Variants in TMED3 observed in about 807,000 individuals in gnomAD.
TMED3 encodes transmembrane emp24 domain-containing protein 3.
A neutral mutation model predicts 15.0 loss-of-function variants in TMED3; 9 were observed. The ratio of observed to expected loss-of-function variants is 0.60; its 90% CI spans 0.36 to 1.04. The LOEUF is 1.04. Among genes scored for constraint, TMED3 ranks in the 50% least tolerant of loss-of-function variants. The pLI, the probability that TMED3 is intolerant of heterozygous loss-of-function variation, is 0.01. For synonymous variants in TMED3, 117 were observed against 121.4 expected (o/e 0.96, Z 0.24); for missense variants, 267 against 278.9 (o/e 0.96, Z 0.30).
At chr15:79,383,336 G>C in intron 2 of TMED3, 1 of 311,840 alleles carries the variant, frequency 3.2e-6, no homozygotes, top group East Asian at 5.6e-5. Context: ...GAAAAGAAAT[G>C]TATTGAGTAG....
intron 2 of TMED3, among the ~76,000 whole-genome samples, chr15:79,373,437 G>C (rs530591415): frequency 1.3e-5 from 2 of 152,146 alleles, no homozygotes; most frequent in South Asian, 4.2e-4. Flanking sequence ...AATTTCCCTC[G>C]CCTCCCAACA....
intron 2 of TMED3, among the ~76,000 whole-genome samples, chr15:79,358,929 G>C (rs1219362786): frequency 2.0e-5 from 3 of 152,168 alleles, no homozygotes; most frequent in Non-Finnish European, 4.4e-5. Context: ...TCAGTCTGAG[G>C]ATAACTAAGA....
intron 2 of TMED3, among the ~76,000 whole-genome samples, chr15:79,362,086 T>C (rs1009555686): frequency 6.6e-6 from 1 of 152,106 alleles, no homozygotes; most frequent in African/African-American, 2.4e-5. Flanking sequence ...AACCAGTCAG[T>C]TTATCAGAGT....
chr15:79,378,987 T>G (rs555565907), intron 2 of TMED3, among the ~76,000 whole-genome samples: 2 of 152,340 alleles, frequency 1.3e-5, no homozygotes, highest in South Asian at 4.1e-4. Context: ...TAATTAGGTC[T>G]TTCTGCAATG....
At chr15:79,400,811 C>T (rs1227270315) in intron 2 of TMED3, among the ~76,000 whole-genome samples, 3 of 152,208 alleles carry the variant, frequency 2.0e-5, no homozygotes, top group Admixed American at 2.0e-4. Flanking sequence ...CTTTCCACGT[C>T]TGATCTTCCA....
At chr15:79,370,285 T>G (rs1286413073) in intron 2 of TMED3, among the ~76,000 whole-genome samples, 1 of 143,342 alleles carries the variant, frequency 7.0e-6, no homozygotes, top group South Asian at 2.3e-4. Flanking sequence ...TTTTTTTGTA[T>G]TTTTTTGCAA....
chr15:79,322,796 A>G lies in TMED3; in HGVS notation c.*582A>G. On this transcript the variant is annotated 3_prime_UTR_variant, in exon 3 of 3. Coordinates refer to ENST00000299705, the MANE Select transcript of TMED3 (RefSeq NM_007364.4). Reference sequence around the variant, plus strand: ...GAGCTGTGTATTTCCTAGGAGGTAGAAAACTGTGGGAAACTGTGGCTAATA... The same window carrying G: ...GAGCTGTGTATTTCCTAGGAGGTAGGAAACTGTGGGAAACTGTGGCTAATA... 1.0e-6 allele frequency: 1 copy of G among 985,518 alleles called. No homozygotes were observed. Among genetic ancestry groups the G allele is most frequent in the Non-Finnish European group, 1.2e-6 (1 of 830,064 alleles). The allele number at this position is 985,518 out of a possible 1,614,324, so 61.0% of individuals were successfully genotyped here.
At chr15:79,408,960 G>T (rs1240672803) in intron 2 of TMED3, among the ~76,000 whole-genome samples, 1 of 152,120 alleles carries the variant, frequency 6.6e-6, no homozygotes, top group Admixed American at 6.5e-5. Flanking sequence ...ACTTAAATTA[G>T]AAAGATACAA....
chr15:79,388,200 A>G (rs1167957271), intron 2 of TMED3, among the ~76,000 whole-genome samples: 1 of 152,158 alleles, frequency 6.6e-6, no homozygotes, highest in Non-Finnish European at 1.5e-5. Context: ...GTATTTTACC[A>G]TTAATTATGA....
intron 2 of TMED3, among the ~76,000 whole-genome samples, chr15:79,350,090 G>A (rs1486499795): frequency 6.6e-6 from 1 of 152,168 alleles, no homozygotes; most frequent in African/African-American, 2.4e-5. Flanking sequence ...CTAGAGGAGT[G>A]GCCAGCACAG....
At chr15:79,314,686 T>C (rs1392151746) in intron 2 of TMED3, 7 of 384,802 alleles carry the variant, frequency 1.8e-5, no homozygotes, top group Non-Finnish European at 3.3e-5. Flanking sequence ...CAAAGCTGGA[T>C]GAAAGGAAGG....
intron 2 of TMED3, among the ~76,000 whole-genome samples, chr15:79,342,581 C>A (rs541625545): frequency 6.6e-6 from 1 of 152,202 alleles, no homozygotes; most frequent in East Asian, 1.9e-4. Context: ...GTTGATAAAT[C>A]TAACTACCTA....
rs533080792 is a variant in TMED3, at chr15:79,333,913, A to G, written c.417+19908A>G. 2.0e-5 allele frequency among the ~76,000 whole-genome samples: 3 copies of G among 152,264 alleles called. No homozygotes were observed. In the South Asian group the frequency reaches 6.2e-4, roughly 32 times the overall value. On this transcript the variant is annotated intron_variant, in intron 2 of 2. Coordinates refer to the TMED3 transcript ENST00000424155. ...GAATCAAAACCAACTTTATTAATAT[A>G]TATGCACTCACCTCAGCTCTAAGAA...
intron 2 of TMED3, among the ~76,000 whole-genome samples, chr15:79,370,159 C>T (rs191964403): frequency 2.0e-5 from 3 of 151,678 alleles, no homozygotes; most frequent in South Asian, 2.1e-4. Context: ...GGCGTGATCT[C>T]GGCTCACTGC....
intron 2 of TMED3, among the ~76,000 whole-genome samples, chr15:79,372,071 C>T (rs1178726912): frequency 6.6e-6 from 1 of 152,148 alleles, no homozygotes; most frequent in African/African-American, 2.4e-5. Flanking sequence ...AACAAACAAA[C>T]AAACAGAAAA....
chr15:79,394,257 G>T (rs953604296), intron 2 of TMED3, among the ~76,000 whole-genome samples: 1 of 152,152 alleles, frequency 6.6e-6, no homozygotes, highest in African/African-American at 2.4e-5. Flanking sequence ...CTTTAAAAGG[G>T]TTTATTTTCC....
At chr15:79,335,800 G>T (rs1014135956) in intron 2 of TMED3, among the ~76,000 whole-genome samples, 6 of 152,178 alleles carry the variant, frequency 3.9e-5, no homozygotes, top group African/African-American at 9.7e-5. Context: ...AAATGTAAAC[G>T]CTAGCTTTCT....
chr15:79,337,911 A>T (rs16954017), intron 2 of TMED3, among the ~76,000 whole-genome samples: 46,252 of 152,166 alleles, frequency 0.3, 7,232 homozygotes, highest in African/African-American at 0.38. Context: ...ATGGATGGGA[A>T]TGAATAAACA....
chr15:79,323,304 C>CT (rs2141219145), downstream of TMED3, among the ~76,000 whole-genome samples: 1 of 152,306 alleles, frequency 6.6e-6, no homozygotes, highest in South Asian at 2.1e-4. Context: ...TGAAGGAAAC[C>CT]TATCAAATCT....
Sources: allele counts gnomAD v4.1 joint callset (sites outside exome capture counted in the v4.1 genomes callset), GRCh38; gene constraint gnomAD v4.1.1; transcripts MANE v1.5; gene names NCBI Gene and HGNC (gene_info 2026-07-23, HGNC 2026-07-21).